The following MRPS6 variants were observed in gnomAD, a reference collection of about 807,000 sequenced individuals.
The protein encoded by MRPS6 is small ribosomal subunit protein bS6m.
MRPS6 carries 6 observed loss-of-function variants against 13.1 expected under a neutral mutation model. The observed-to-expected ratio is 0.46, with a 90% CI of 0.25 to 0.91. MRPS6 has a LOEUF of 0.91. MRPS6 is among the 40% of genes least tolerant of loss of function. The pLI, the probability that MRPS6 is intolerant of heterozygous loss-of-function variation, is 0.18. For missense variants in MRPS6, 164 were observed against 155.6 expected, an observed-to-expected ratio of 1.05 and a Z score of -0.29; for synonymous variants, 61 against 56.5, an observed-to-expected ratio of 1.08 and a Z score of -0.36.
intron 1 of MRPS6, chr21:34,105,722 G>C: frequency 1.0e-6 from 1 of 997,912 alleles, no homozygotes; most frequent in South Asian, 4.7e-5. Flanking sequence ...TGGATTTCCA[G>C]TTTACCTTCT....
intron 1 of MRPS6, among the ~76,000 whole-genome samples, chr21:34,080,571 A>C (rs1244237245): frequency 6.6e-6 from 1 of 152,216 alleles, no homozygotes; most frequent in Non-Finnish European, 1.5e-5. Context: ...CATTAAACAA[A>C]TATCAAGGGC....
chr21:34,093,089 T>C (rs1199044564), intron 1 of MRPS6, among the ~76,000 whole-genome samples: 1 of 152,238 alleles, frequency 6.6e-6, no homozygotes, highest in Non-Finnish European at 1.5e-5. Context: ...GATTAGATTT[T>C]ATTAAAAATT....
Position 34,142,794 on chromosome 21 carries a change from G to T in MRPS6, c.*194G>T. Reference sequence around the variant, plus strand: ...GGAACTGCTCACTGACAGCTTCTCTGTAACCTGCAGTACCAGTGGATCGTT... The same window carrying T: ...GGAACTGCTCACTGACAGCTTCTCTTTAACCTGCAGTACCAGTGGATCGTT... On this transcript the variant is annotated 3_prime_UTR_variant, in exon 3 of 3. Coordinates refer to ENST00000399312, the MANE Select transcript of MRPS6 (RefSeq NM_032476.4). The T allele has an allele frequency of 2.0e-6, 1 of 497,892 alleles. No individual in the cohort carries two copies. Among genetic ancestry groups the T allele is most frequent in the Non-Finnish European group, 3.4e-6 (1 of 297,708 alleles). 30.8% of individuals were successfully genotyped at this position (497,892 alleles called of 1,614,324 possible).
At chr21:34,093,972 C>G (rs1481501186) in intron 1 of MRPS6, among the ~76,000 whole-genome samples, 3 of 152,144 alleles carry the variant, frequency 2.0e-5, no homozygotes, top group African/African-American at 7.2e-5. Flanking sequence ...TCCCTCTTTT[C>G]TCTGCTTCTT....
intron 1 of MRPS6, chr21:34,106,250 T>C (rs1198713627): frequency 1.2e-6 from 1 of 849,794 alleles, no homozygotes; most frequent in Non-Finnish European, 1.4e-6. Context: ...TTGAATAAAA[T>C]GAAAAATTTA....
At chr21:34,131,375 G>C (rs1360294953) in intron 2 of MRPS6, among the ~76,000 whole-genome samples, 3 of 152,186 alleles carry the variant, frequency 2.0e-5, no homozygotes, top group African/African-American at 7.2e-5. Flanking sequence ...TCTTTTCCCA[G>C]GGTCAGGAGG....
At chr21:34,135,901 G>A (rs1373905979) in intron 2 of MRPS6, 2 of 501,628 alleles carry the variant, frequency 4.0e-6, no homozygotes, top group Non-Finnish European at 7.5e-6. Context: ...TGCATTGTGA[G>A]GCAGGTACTT....
chr21:34,141,706 A>C (rs75204100), intron 2 of MRPS6, among the ~76,000 whole-genome samples: 2,395 of 152,322 alleles, frequency 0.016, 68 homozygotes, highest in African/African-American at 0.055. Flanking sequence ...GAGAGGAGCC[A>C]GGAGTGGGTA....
chr21:34,111,899 A>G (rs1240180925), intron 1 of MRPS6, among the ~76,000 whole-genome samples: 1 of 150,686 alleles, frequency 6.6e-6, no homozygotes, highest in Non-Finnish European at 1.5e-5. Flanking sequence ...GGAGTTGAAC[A>G]TCCATTTGGT....
At chr21:34,138,982 A>G (rs1980805586) in intron 2 of MRPS6, among the ~76,000 whole-genome samples, 1 of 151,642 alleles carries the variant, frequency 6.6e-6, no homozygotes, top group Admixed American at 6.6e-5. Flanking sequence ...TGTGGCACAT[A>G]TACACCATGG....
chr21:34,138,272 T>C (rs1980777032), intron 2 of MRPS6, among the ~76,000 whole-genome samples: 1 of 152,196 alleles, frequency 6.6e-6, no homozygotes, highest in African/African-American at 2.4e-5. Flanking sequence ...TAGATCCCAT[T>C]GGTCAATTTT....
At chr21:34,095,253 C>A in intron 1 of MRPS6, 1 of 1,614,022 alleles carries the variant, frequency 6.2e-7, no homozygotes, top group Non-Finnish European at 8.5e-7. Flanking sequence ...GTATTTTATC[C>A]TGGTCATGTG....
intron 1 of MRPS6, chr21:34,104,519 A>C: frequency 1.0e-6 from 1 of 998,142 alleles, no homozygotes; most frequent in Non-Finnish European, 1.2e-6. Flanking sequence ...CCTTTTAGGG[A>C]AAGACTTGGT....
At chr21:34,122,308 A>G (rs1980147327) in intron 1 of MRPS6, 1 of 152,200 alleles carries the variant, frequency 6.6e-6, no homozygotes, top group South Asian at 2.1e-4. Flanking sequence ...CTGGTTTGCC[A>G]ACCCTGCTTT....
intron 1 of MRPS6, chr21:34,095,527 CTGAATACT>C: frequency 6.2e-7 from 1 of 1,613,860 alleles, no homozygotes; most frequent in Non-Finnish European, 8.5e-7. Context: ...TATACCATGC[CTGAATACT>C]TGTCCAAGCG....
rs1980678613 is a variant in MRPS6, at chr21:34,135,837, G to A, written c.186-6571G>A. The A allele has an allele frequency of 7.2e-6, 4 of 557,168 alleles. No homozygotes were observed. In the Admixed American group the frequency reaches 8.6e-5, roughly 12 times the overall value. 34.5% of individuals were successfully genotyped at this position (557,168 alleles called of 1,614,324 possible). The stretch of plus-strand genomic sequence containing the variant: ...CATGCATTATCATGGAGTTAGTGAG[G>A]GACTCCACAATGGGGCACTGAGCTT... On this transcript the variant is annotated intron_variant, in intron 2 of 2. Transcript: ENST00000399312.
At chr21:34,099,252 T>G (rs1259763968) in intron 1 of MRPS6, 1 of 1,000,132 alleles carries the variant, frequency 1.0e-6, no homozygotes, top group African/African-American at 1.7e-5. Context: ...ATAGAGCTCA[T>G]CATTTTCTTG....
At chr21:34,091,791 T>C (rs1978707158) in intron 1 of MRPS6, among the ~76,000 whole-genome samples, 1 of 152,182 alleles carries the variant, frequency 6.6e-6, no homozygotes, top group African/African-American at 2.4e-5. Context: ...TTTGGCTAAA[T>C]CTGCTCATCA....
intron 1 of MRPS6, among the ~76,000 whole-genome samples, chr21:34,081,909 T>G: frequency 6.6e-6 from 1 of 152,186 alleles, no homozygotes; most frequent in Non-Finnish European, 1.5e-5. Flanking sequence ...CAGTTCTTGT[T>G]AAGTAAATGT....
Sources: gnomAD v4.1 joint callset for allele counts (sites outside exome capture counted in the v4.1 genomes callset) on GRCh38, gnomAD v4.1.1 for gene constraint, MANE v1.5 for transcripts, NCBI Gene and HGNC (gene_info 2026-07-23, HGNC 2026-07-21) for gene names.